MAGI1: variants seen among roughly 807,000 people sequenced by gnomAD.
MAGI1 encodes the protein membrane associated guanylate kinase, WW and PDZ domain containing 1.
In MAGI1, 58 loss-of-function variants were observed where a neutral mutation model predicts 139.9. The observed-to-expected ratio is 0.41, with a 90% CI of 0.34 to 0.52. The LOEUF is 0.52. Among genes scored for constraint, MAGI1 ranks in the 20% least tolerant of loss-of-function variants. MAGI1 has a pLI of 0.12. For synonymous variants in MAGI1, 812 were observed against 737.9 expected, an observed-to-expected ratio of 1.10 and a Z score of -1.63; for missense variants, 1,874 against 1,901.6, an observed-to-expected ratio of 0.99 and a Z score of 0.27.
intron 1 of MAGI1, among the ~76,000 whole-genome samples, chr3:65,716,331 G>T (rs2032241812): frequency 6.6e-6 from 1 of 152,170 alleles, no homozygotes; most frequent in Admixed American, 6.5e-5. Flanking sequence ...GAATACATGA[G>T]GCTGTGAACA....
intron 1 of MAGI1, among the ~76,000 whole-genome samples, chr3:65,906,933 AAAAAAG>A (rs1420721337): frequency 1.3e-5 from 2 of 152,010 alleles, no homozygotes; most frequent in African/African-American, 4.8e-5. Flanking sequence ...TTTGGCAAAA[AAAAAAG>A]AAAAAGAACT....
rs190862060 is a variant in MAGI1, at chr3:65,500,156, G to A, written c.431-6525C>T. Among the ~76,000 whole-genome samples, 7 of 152,230 alleles carry A rather than the reference G, an allele frequency of 4.6e-5. No individual in the cohort carries two copies. In the East Asian group the frequency reaches 1.4e-3, roughly 29 times the overall value. On this transcript the variant is annotated intron_variant, in intron 2 of 22. Coordinates refer to ENST00000402939, the MANE Select transcript of MAGI1 (RefSeq NM_001033057.2). ...CTTTACTTGCCTTACCGATGAATAG[G>A]AATATACTACAAGTAGATTTGAGAA...
At chr3:65,719,245 A>G (rs1441256462) in intron 1 of MAGI1, among the ~76,000 whole-genome samples, 1 of 151,872 alleles carries the variant, frequency 6.6e-6, no homozygotes, top group Non-Finnish European at 1.5e-5. Context: ...ATATGGATAT[A>G]TATTACATAC....
In MAGI1 at chr3:65,727,227, T is replaced by C. The variant is rs2033719275; in HGVS notation, c.314-105139A>G. On this transcript the variant is annotated intron_variant, in intron 1 of 22. Transcript: ENST00000402939. ...ATGATACTGTTGTAATTCAACAACT[T>C]ATCTGACAGCACACTTATTTAAATG... Among the ~76,000 whole-genome samples, 3 of 152,216 alleles carry C rather than the reference T, an allele frequency of 2.0e-5. No individual in the cohort carries two copies. The South Asian group carries it at 6.2e-4, about 31-fold the overall frequency.
At chr3:65,744,448 C>A (rs764360143) in intron 1 of MAGI1, among the ~76,000 whole-genome samples, 1 of 152,156 alleles carries the variant, frequency 6.6e-6, no homozygotes, top group African/African-American at 2.4e-5. Flanking sequence ...ATGGGGAAGT[C>A]AGCATAACAA....
At chr3:65,607,805 G>C (rs982522183) in intron 2 of MAGI1, among the ~76,000 whole-genome samples, 4 of 152,140 alleles carry the variant, frequency 2.6e-5, no homozygotes, top group Non-Finnish European at 5.9e-5. Flanking sequence ...CAAATCAGGT[G>C]TTTCGGCTTA....
In MAGI1 at chr3:65,485,876, T is replaced by G. The variant is rs149116675; in HGVS notation, c.551-7078A>C. 4.8e-3 allele frequency among the ~76,000 whole-genome samples: 732 copies of G among 152,320 alleles called. 6 individuals carry two copies. Among genetic ancestry groups the G allele is most frequent in the African/African-American group, 0.016 (678 of 41,572 alleles). ...TCTACACTTTTAACTCCAGGAATAT[T>G]TGGGGATCTCTAAGCAGGGAATTAA... On this transcript the variant is annotated intron_variant, in intron 3 of 22. Coordinates refer to ENST00000402939, the MANE Select transcript of MAGI1 (RefSeq NM_001033057.2).
intron 1 of MAGI1, among the ~76,000 whole-genome samples, chr3:65,785,426 AATC>A: frequency 6.6e-6 from 1 of 152,318 alleles, no homozygotes; most frequent in South Asian, 2.1e-4. Flanking sequence ...CAGGTTGAAA[AATC>A]ATGACTTATA....
intron 1 of MAGI1, among the ~76,000 whole-genome samples, chr3:65,672,180 A>G (rs1305040185): frequency 6.6e-6 from 1 of 152,202 alleles, no homozygotes; most frequent in Admixed American, 6.5e-5. Flanking sequence ...CTCTTTTCAG[A>G]TTCATGAAAT....
chr3:65,548,285 C>T (rs1002880657), intron 2 of MAGI1, among the ~76,000 whole-genome samples: 1 of 152,090 alleles, frequency 6.6e-6, no homozygotes, highest in South Asian at 2.1e-4. Flanking sequence ...AGGAGCCTTC[C>T]GCCCACAGAT....
intron 5 of MAGI1, among the ~76,000 whole-genome samples, chr3:65,460,367 G>A (rs1949691338): frequency 6.6e-6 from 1 of 152,134 alleles, no homozygotes; most frequent in Non-Finnish European, 1.5e-5. Context: ...AAAAATAACT[G>A]TAGAGTGTTC....
intron 1 of MAGI1, among the ~76,000 whole-genome samples, chr3:65,797,218 T>C (rs1278549739): frequency 6.6e-6 from 1 of 152,172 alleles, no homozygotes; most frequent in African/African-American, 2.4e-5. Flanking sequence ...CCAGCTGCAA[T>C]GGTCTCTTAC....
At chr3:65,870,069 T>C (rs552779175) in intron 1 of MAGI1, among the ~76,000 whole-genome samples, 1 of 152,318 alleles carries the variant, frequency 6.6e-6, no homozygotes, top group African/African-American at 2.4e-5. Flanking sequence ...TTAAATGCAT[T>C]TCCTCTTAGA....
At chr3:65,903,527 T>C (rs1010170040) in intron 1 of MAGI1, among the ~76,000 whole-genome samples, 1 of 152,118 alleles carries the variant, frequency 6.6e-6, no homozygotes, top group African/African-American at 2.4e-5. Flanking sequence ...TCAAATGTAA[T>C]GCAACACACA....
rs9816995 is a variant in MAGI1 at position 65,756,209 on chromosome 3, T to C, written c.314-134121A>G. 4.7e-3 allele frequency among the ~76,000 whole-genome samples: 723 copies of C among 152,222 alleles called. 7 individuals are homozygous for C. Among genetic ancestry groups the C allele is most frequent in the African/African-American group, 0.017 (688 of 41,526 alleles). ...TGTAGTTTTCCACTTAGTGGATCCC[T>C]GAGAAAAAAATAAAGAGTTAGAGAC... On this transcript the variant is annotated intron_variant, in intron 1 of 22. Coordinates refer to ENST00000402939, the MANE Select transcript of MAGI1 (RefSeq NM_001033057.2).
At chr3:65,976,994 T>C (rs2065297348) in intron 1 of MAGI1, among the ~76,000 whole-genome samples, 1 of 152,166 alleles carries the variant, frequency 6.6e-6, no homozygotes, top group African/African-American at 2.4e-5. Flanking sequence ...TATTACAAGT[T>C]AACAAGAAAT....
chr3:65,950,044 C>CAA lies in MAGI1; in HGVS notation c.313+87950_313+87951dup, dbSNP rs143046732. Among the ~76,000 whole-genome samples, 163 of 49,706 alleles carry CAA rather than the reference C, an allele frequency of 3.3e-3. 3 individuals carry two copies. Among genetic ancestry groups the CAA allele is most frequent in the African/African-American group, 8.2e-3 (96 of 11,686 alleles). The allele number at this position is 49,706 out of a possible 152,430, so 32.6% of individuals were successfully genotyped here. On this transcript the variant is annotated intron_variant, in intron 1 of 22. Coordinates refer to ENST00000402939, the MANE Select transcript of MAGI1 (RefSeq NM_001033057.2). ...AGCCTGGGCAACAGAGCCAGATCAT[C>CAA]AAAAAAAAAAAAAACAAAAAAACAA...
At chr3:65,826,957 T>C (rs2042261514) in intron 1 of MAGI1, among the ~76,000 whole-genome samples, 1 of 152,142 alleles carries the variant, frequency 6.6e-6, no homozygotes, top group Non-Finnish European at 1.5e-5. Flanking sequence ...CTCCTCATAT[T>C]ACCTGACCTG....
chr3:65,709,621 T>C (rs76260728), intron 1 of MAGI1, among the ~76,000 whole-genome samples: 6,373 of 152,320 alleles, frequency 0.042, 188 homozygotes, highest in South Asian at 0.11. Context: ...CATGAGCTTC[T>C]AGCAAGACCA....
Sources: allele counts gnomAD v4.1 joint callset (sites outside exome capture counted in the v4.1 genomes callset), GRCh38; gene constraint gnomAD v4.1.1; transcripts MANE v1.5; gene names NCBI Gene and HGNC (gene_info 2026-07-23, HGNC 2026-07-21).